CRB1: variants seen among roughly 807,000 people sequenced by gnomAD.
CRB1 encodes the protein crumbs cell polarity complex component 1, also known as protein crumbs homolog 1.
In CRB1, 83 loss-of-function variants were observed where a neutral mutation model predicts 120.0. The ratio of observed to expected loss-of-function variants is 0.69; its 90% CI spans 0.58 to 0.83. The LOEUF (loss-of-function observed/expected upper bound fraction) is 0.83. Ranked by LOEUF, CRB1 falls within the 40% of genes least tolerant of loss-of-function variation. The pLI, the probability that CRB1 is intolerant of heterozygous loss-of-function variation, is 0.00. For synonymous variants in CRB1, 625 were observed against 612.5 expected (o/e 1.02, Z -0.30); for missense variants, 1,699 against 1,687.6 (o/e 1.01, Z -0.12).
the CRB1 span, among the ~76,000 whole-genome samples, chr1:197,220,763 T>G: frequency 1.3e-5 from 2 of 152,318 alleles, no homozygotes; most frequent in South Asian, 4.1e-4. Flanking sequence ...CTTGCTGTTC[T>G]GGTGATAGTG....
At chr1:197,240,727 C>T in the CRB1 span, among the ~76,000 whole-genome samples, 29 of 152,236 alleles carry the variant, frequency 1.9e-4, no homozygotes, top group South Asian at 1.5e-3. Flanking sequence ...TGAGTATATA[C>T]GCAGTAATGG....
the CRB1 span, among the ~76,000 whole-genome samples, chr1:197,248,566 G>A: frequency 6.6e-6 from 1 of 151,896 alleles, no homozygotes; most frequent in African/African-American, 2.4e-5. Flanking sequence ...TGAGTTGAGA[G>A]TTGTCTAGGG....
chr1:197,289,376 C>T (rs979170341), intron 1 of CRB1, among the ~76,000 whole-genome samples: 4 of 151,374 alleles, frequency 2.6e-5, no homozygotes, highest in African/African-American at 9.7e-5. Context: ...AATTTTGGTT[C>T]CTCTGCAGGT....
chr1:197,298,757 T>C lies in CRB1; in HGVS notation c.71-29665T>C, dbSNP rs190120831. Among the ~76,000 whole-genome samples, 7 of 152,066 alleles carry C rather than the reference T, an allele frequency of 4.6e-5. No homozygotes were observed. The East Asian group carries it at 9.7e-4, about 21-fold the overall frequency. On this transcript the variant is annotated intron_variant, in intron 1 of 11. Transcript: ENST00000367400. ...AGTGGAAAATTATACATAAGAGAAATGGTATTGCCATCATTGGGAACAGAA... is the reference window on the plus strand; with the variant it reads ...AGTGGAAAATTATACATAAGAGAAACGGTATTGCCATCATTGGGAACAGAA...
chr1:197,466,407 G>A (rs1195513607), intron 11 of CRB1, among the ~76,000 whole-genome samples: 5 of 152,220 alleles, frequency 3.3e-5, no homozygotes, highest in African/African-American at 1.2e-4. Flanking sequence ...TTTTTCAGAG[G>A]TTTGAATCTT....
chr1:197,299,113 A>G (rs1271681620), intron 1 of CRB1, among the ~76,000 whole-genome samples: 1 of 152,160 alleles, frequency 6.6e-6, no homozygotes, highest in Non-Finnish European at 1.5e-5. Flanking sequence ...CAACAAGATA[A>G]TGATGATCTT....
chr1:197,214,540 C>T, the CRB1 span, among the ~76,000 whole-genome samples: 1 of 152,058 alleles, frequency 6.6e-6, no homozygotes, highest in South Asian at 2.1e-4. Flanking sequence ...GATGACTATA[C>T]TATGAACAAC....
intron 11 of CRB1, among the ~76,000 whole-genome samples, chr1:197,474,766 ACCG>A (rs1486911663): frequency 2.0e-5 from 3 of 152,210 alleles, no homozygotes; most frequent in Non-Finnish European, 4.4e-5. Flanking sequence ...ATCCAGGAGA[ACCG>A]CCATTTACTC....
chr1:197,262,591 A>G, the CRB1 span, among the ~76,000 whole-genome samples: 1 of 152,070 alleles, frequency 6.6e-6, no homozygotes, highest in African/African-American at 2.4e-5. Context: ...ACATGGGTAT[A>G]TTGTGTGACA....
In CRB1 at chr1:197,389,423, G is replaced by A. The variant is rs145596103; in HGVS notation, c.1172-31577G>A. On this transcript the variant is annotated intron_variant, in intron 5 of 11. Transcript: ENST00000367400. The stretch of plus-strand genomic sequence containing the variant: ...GATGAACCTTGAGGAAATATGTTAA[G>A]TGAAATAATCCAGTAACAAAAGACA... Among the ~76,000 whole-genome samples the A allele has an allele frequency of 7.7e-3, 1,173 of 152,224 alleles. 13 individuals carry two copies. The highest frequency in any genetic ancestry group is 0.027 in the African/African-American group (1,136 of 41,552).
chr1:197,338,205 T>C (rs1296623815), intron 2 of CRB1, among the ~76,000 whole-genome samples: 1 of 152,088 alleles, frequency 6.6e-6, no homozygotes, highest in Non-Finnish European at 1.5e-5. Context: ...TTTTAAAAAG[T>C]GTGGGTGTAT....
rs2786105 is a variant in CRB1, at chr1:197,342,111, C to G, written c.653-2170C>G. ...TTGTATGGACCATGCTTTTGGAATTCTGTGAGCTTCTTATTCTCAGTCACC... is the reference window on the plus strand; with the variant it reads ...TTGTATGGACCATGCTTTTGGAATTGTGTGAGCTTCTTATTCTCAGTCACC... On this transcript the variant is annotated intron_variant, in intron 2 of 11. Transcript: ENST00000367400. 7.9e-5 allele frequency among the ~76,000 whole-genome samples: 12 copies of G among 152,230 alleles called. No individual in the cohort carries two copies. In the East Asian group the frequency reaches 1.9e-3, roughly 24 times the overall value.
chr1:197,250,134 A>G, the CRB1 span, among the ~76,000 whole-genome samples: 2 of 151,932 alleles, frequency 1.3e-5, no homozygotes, highest in South Asian at 4.2e-4. Flanking sequence ...TCCCACTCCA[A>G]ATCATGTAGT....
At chr1:197,206,396 T>C in the CRB1 span, among the ~76,000 whole-genome samples, 491 of 152,316 alleles carry the variant, frequency 3.2e-3, 1 homozygote, top group African/African-American at 0.011. Flanking sequence ...TTTAAGGCTA[T>C]GAACTTTCCT....
At chr1:197,364,270 C>A (rs1312825435) in intron 5 of CRB1, among the ~76,000 whole-genome samples, 2 of 152,014 alleles carry the variant, frequency 1.3e-5, no homozygotes, top group Non-Finnish European at 2.9e-5. Context: ...GTGGCGTTGC[C>A]CTATAGGTAA....
At chr1:197,403,853 G>A (rs991925667) in intron 5 of CRB1, among the ~76,000 whole-genome samples, 3 of 152,048 alleles carry the variant, frequency 2.0e-5, no homozygotes, top group Non-Finnish European at 4.4e-5. Flanking sequence ...CCTAGTGTTT[G>A]CTAACAAAAT....
At chr1:197,420,912 T>G (rs974665061) in intron 5 of CRB1, 88 bp from the exon 6 acceptor site, 10 of 912,002 alleles carry the variant, frequency 1.1e-5, no homozygotes, top group Non-Finnish European at 1.8e-5. Flanking sequence ...ATTCATGCAC[T>G]TCTGCAAGAT....
At chr1:197,256,881 T>A in the CRB1 span, among the ~76,000 whole-genome samples, 1 of 145,962 alleles carries the variant, frequency 6.9e-6, no homozygotes. Context: ...GAAAAAGATA[T>A]ATTTAGTCCT....
At chr1:197,239,292 A>G in the CRB1 span, among the ~76,000 whole-genome samples, 5 of 152,122 alleles carry the variant, frequency 3.3e-5, no homozygotes, top group African/African-American at 1.2e-4. Context: ...TATTTGTATC[A>G]AATTTTGATA....
Sources: gnomAD v4.1 joint callset for allele counts (sites outside exome capture counted in the v4.1 genomes callset) on GRCh38, gnomAD v4.1.1 for gene constraint, MANE v1.5 for transcripts, NCBI Gene and HGNC (gene_info 2026-07-23, HGNC 2026-07-21) for gene names.